Variants in TACR1 observed in about 807,000 individuals in gnomAD.
TACR1 encodes substance-P receptor.
In TACR1, 25 loss-of-function variants were observed where a neutral mutation model predicts 35.8. The ratio of observed to expected loss-of-function variants is 0.70; its 90% confidence interval spans 0.51 to 0.98. The LOEUF (loss-of-function observed/expected upper bound fraction) is 0.98, where lower values mean the gene tolerates loss of function less well. Ranked by LOEUF, TACR1 falls within the 50% of genes least tolerant of loss-of-function variation. TACR1 has a pLI of 0.00. For missense variants in TACR1, 478 were observed against 522.9 expected (o/e 0.91, Z 0.84); for synonymous variants, 195 against 206.7 (o/e 0.94, Z 0.48).
chr2:75,158,231 G>A (rs1000714671), intron 1 of TACR1, among the ~76,000 whole-genome samples: 3 of 152,154 alleles, frequency 2.0e-5, no homozygotes, highest in African/African-American at 4.8e-5. Context: ...AGCATTTATC[G>A]GAAAAGCATT....
intron 1 of TACR1, among the ~76,000 whole-genome samples, chr2:75,148,947 C>T (rs1477586126): frequency 6.6e-6 from 1 of 152,190 alleles, no homozygotes; most frequent in Non-Finnish European, 1.5e-5. Flanking sequence ...TATGGCTAGC[C>T]AGTTTTCCCA....
At chr2:75,156,147 A>C (rs561085020) in intron 1 of TACR1, 3 of 152,204 alleles carry the variant, frequency 2.0e-5, no homozygotes, top group African/African-American at 4.8e-5. Flanking sequence ...CATATTGTGC[A>C]TACAAATTAT....
intron 1 of TACR1, among the ~76,000 whole-genome samples, chr2:75,134,334 AACTC>A (rs1295370921): frequency 2.0e-5 from 3 of 152,126 alleles, no homozygotes; most frequent in Admixed American, 1.3e-4. Context: ...CCTGCTTTTT[AACTC>A]ACTCATTCAA....
At chr2:75,086,307 T>G (rs1185979062) in intron 2 of TACR1, among the ~76,000 whole-genome samples, 1 of 152,260 alleles carries the variant, frequency 6.6e-6, no homozygotes, top group Non-Finnish European at 1.5e-5. Context: ...AAAAACTTCA[T>G]GCAGATTTTA....
At chr2:75,193,797 A>G (rs566233615) in intron 1 of TACR1, among the ~76,000 whole-genome samples, 28 of 152,306 alleles carry the variant, frequency 1.8e-4, no homozygotes, top group African/African-American at 6.3e-4. Flanking sequence ...ATATCTGTAC[A>G]ACCCATATGA....
chr2:75,066,548 T>C (rs1441268858), intron 2 of TACR1, among the ~76,000 whole-genome samples: 1 of 152,172 alleles, frequency 6.6e-6, no homozygotes, highest in East Asian at 1.9e-4. Context: ...TCTAGACGAG[T>C]GACTGGAATG....
At chr2:75,107,316 A>G (rs1673669318) in intron 2 of TACR1, among the ~76,000 whole-genome samples, 1 of 152,054 alleles carries the variant, frequency 6.6e-6, no homozygotes, top group African/African-American at 2.4e-5. Flanking sequence ...ATGATTGGAT[A>G]AGTTATCAAA....
intron 1 of TACR1, among the ~76,000 whole-genome samples, chr2:75,152,354 C>T (rs1216197417): frequency 1.3e-5 from 2 of 152,094 alleles, no homozygotes; most frequent in African/African-American, 4.8e-5. Flanking sequence ...TCATGGGGGC[C>T]AGTGTTTCCC....
chr2:75,132,703 C>T (rs905093672), intron 1 of TACR1, among the ~76,000 whole-genome samples: 2 of 152,100 alleles, frequency 1.3e-5, no homozygotes, highest in East Asian at 3.8e-4. Context: ...TTTGTTGATG[C>T]CTTGTTGAAG....
At chr2:75,050,905 C>T (rs1573455381) in intron 4 of TACR1, 1 of 334,734 alleles carries the variant, frequency 3.0e-6, no homozygotes, top group East Asian at 7.3e-5. Flanking sequence ...CAGGCCATGG[C>T]CTGGAGCCTG....
At chr2:75,115,937 C>T (rs1419173194) in intron 2 of TACR1, among the ~76,000 whole-genome samples, 1 of 143,974 alleles carries the variant, frequency 6.9e-6, no homozygotes, top group Non-Finnish European at 1.5e-5. Flanking sequence ...AAGAGAAGCT[C>T]TTTATGAATA....
At chr2:75,069,616 C>T (rs1205206698) in intron 2 of TACR1, among the ~76,000 whole-genome samples, 1 of 152,144 alleles carries the variant, frequency 6.6e-6, no homozygotes, top group Non-Finnish European at 1.5e-5. Flanking sequence ...GTTTACTTGC[C>T]ATGTCTCCTT....
At chr2:75,055,363 G>C (rs1305593547) in intron 2 of TACR1, among the ~76,000 whole-genome samples, 1 of 152,192 alleles carries the variant, frequency 6.6e-6, no homozygotes, top group Non-Finnish European at 1.5e-5. Context: ...GTGCAGACAG[G>C]CTGCTCCAGT....
intron 2 of TACR1, among the ~76,000 whole-genome samples, chr2:75,060,686 T>C (rs903590459): frequency 2.0e-5 from 3 of 152,192 alleles, no homozygotes; most frequent in African/African-American, 7.2e-5. Context: ...AAACAGAGAA[T>C]GAACATGGTC....
intron 1 of TACR1, among the ~76,000 whole-genome samples, chr2:75,140,274 G>A (rs1674376729): frequency 6.6e-6 from 1 of 152,072 alleles, no homozygotes; most frequent in Non-Finnish European, 1.5e-5. Context: ...AATTCAGAAA[G>A]GCAAGGGGCT....
intron 2 of TACR1, among the ~76,000 whole-genome samples, chr2:75,056,390 C>A (rs1368003955): frequency 6.6e-6 from 1 of 152,202 alleles, no homozygotes; most frequent in Non-Finnish European, 1.5e-5. Flanking sequence ...CCGCCCTAAT[C>A]ACCCAACGGC....
chr2:75,193,894 G>A (rs1675907113), intron 1 of TACR1, among the ~76,000 whole-genome samples: 1 of 152,062 alleles, frequency 6.6e-6, no homozygotes, highest in African/African-American at 2.4e-5. Context: ...GAATAAACAA[G>A]GCTGTGAGTT....
intron 1 of TACR1, among the ~76,000 whole-genome samples, chr2:75,135,464 C>A (rs761332259): frequency 1.3e-3 from 194 of 152,302 alleles, no homozygotes; most frequent in Non-Finnish European, 2.3e-3. Flanking sequence ...AGCTGAAACC[C>A]AGGGTACCCA....
intron 1 of TACR1, chr2:75,189,124 T>C (rs1489633181): frequency 6.6e-6 from 1 of 152,230 alleles, no homozygotes; most frequent in Non-Finnish European, 1.5e-5. Flanking sequence ...TGATTCCGTC[T>C]ATGCAAATCA....
Sources: gnomAD v4.1 joint callset for allele counts (sites outside exome capture counted in the v4.1 genomes callset) on GRCh38, gnomAD v4.1.1 for gene constraint, MANE v1.5 for transcripts, NCBI Gene and HGNC (gene_info 2026-07-23, HGNC 2026-07-21) for gene names.